Variants in TOPAZ1 observed in about 807,000 individuals in gnomAD.
TOPAZ1 encodes the protein protein TOPAZ1.
Under a neutral mutation model 172.2 loss-of-function variants are expected in TOPAZ1, and 66 were observed. The observed-to-expected ratio is 0.38, with a 90% CI of 0.31 to 0.47. The LOEUF (loss-of-function observed/expected upper bound fraction) is 0.47, where lower values mean the gene tolerates loss of function less well. TOPAZ1 is among the 20% of genes least tolerant of loss of function. The pLI is 0.99. For missense variants in TOPAZ1, 1,822 were observed against 1,972.4 expected, an observed-to-expected ratio of 0.92 and a Z score of 1.44; for synonymous variants, 681 against 683.9, an observed-to-expected ratio of 1.00 and a Z score of 0.07.
intron 4 of TOPAZ1, among the ~76,000 whole-genome samples, chr3:44,257,669 A>C (rs912659458): frequency 3.3e-5 from 5 of 151,932 alleles, no homozygotes; most frequent in Admixed American, 2.6e-4. Flanking sequence ...AGAGATTCAC[A>C]GGAAGTTACA....
intron 18 of TOPAZ1, among the ~76,000 whole-genome samples, 174 bp from the exon 19 acceptor site, chr3:44,328,076 C>G (rs1015474277): frequency 1.8e-4 from 27 of 152,098 alleles, no homozygotes; most frequent in African/African-American, 6.3e-4. Context: ...TTCAAAAGCA[C>G]TTTACAAAGA....
intron 11 of TOPAZ1, 35 bp downstream of exon 11, chr3:44,287,874 C>T (rs868542434): frequency 1.3e-5 from 14 of 1,041,498 alleles, no homozygotes; most frequent in Middle Eastern, 2.0e-4. Flanking sequence ...TCTCTGATGG[C>T]GAGTAACCAA....
chr3:44,302,263 A>G (rs1700280613), intron 12 of TOPAZ1, among the ~76,000 whole-genome samples: 1 of 151,844 alleles, frequency 6.6e-6, no homozygotes, highest in South Asian at 2.1e-4. Context: ...ACAAAAAACT[A>G]GCCGGGTGTG....
rs1559522605 is a variant in TOPAZ1, at chr3:44,244,470, C to T, written c.1964C>T (p.Ala655Val). ...GATGGTCAGGAAGCAAATAACTCTG[C>T]AGGCAAAACTATTCATCGAAAAGCA... ...SKDGQEANNS[A>V]GKTIHRKACI... Residue 655 changes from alanine to valine, a missense_variant, in exon 2 of 20, where the codon GCA becomes GTA. Ala to Val is a moderately conservative substitution (Grantham distance 64, BLOSUM62 0). Transcript: ENST00000309765. The T allele has an allele frequency of 1.9e-6, 3 of 1,551,692 alleles. No individual in the cohort carries two copies. The highest frequency in any genetic ancestry group is 1.4e-5 in the African/African-American group (1 of 73,168).
At chr3:44,306,508 A>AAACTCCT in intron 15 of TOPAZ1, 82 bp downstream of exon 15, 3 of 743,844 alleles carry the variant, frequency 4.0e-6, no homozygotes, top group Non-Finnish European at 6.5e-6. Context: ...TTAACCCTGC[A>AAACTCCT]AATTAGGAGT....
At chr3:44,255,662 A>AAAAAT (rs1244611647) in intron 3 of TOPAZ1, among the ~76,000 whole-genome samples, 11 of 80,006 alleles carry the variant, frequency 1.4e-4, no homozygotes, top group African/African-American at 6.3e-4. Flanking sequence ...AAAAAAAAAA[A>AAAAAT]ATATATATAC....
intron 6 of TOPAZ1, among the ~76,000 whole-genome samples, chr3:44,267,936 A>C (rs559351112): frequency 1.1e-4 from 16 of 152,328 alleles, no homozygotes; most frequent in African/African-American, 3.8e-4. Flanking sequence ...CAGTTTTCAT[A>C]ATGCAAATTA....
downstream of TOPAZ1, among the ~76,000 whole-genome samples, chr3:44,335,623 CAAA>C (rs985664408): frequency 6.6e-6 from 1 of 151,298 alleles, no homozygotes; most frequent in Non-Finnish European, 1.5e-5. Context: ...GACTCCATCT[CAAA>C]GAAAAAAAAA....
chr3:44,335,507 C>T (rs1700713669), downstream of TOPAZ1, among the ~76,000 whole-genome samples: 1 of 151,946 alleles, frequency 6.6e-6, no homozygotes, highest in Non-Finnish European at 1.5e-5. Flanking sequence ...ACCTATAATC[C>T]CAGATACTTG....
chr3:44,254,035 G>T (rs1699665872), intron 2 of TOPAZ1, among the ~76,000 whole-genome samples: 1 of 152,212 alleles, frequency 6.6e-6, no homozygotes, highest in Non-Finnish European at 1.5e-5. Flanking sequence ...GTTTTCATCT[G>T]TTGGGCCTAT....
chr3:44,286,141 G>T (rs546880932), intron 9 of TOPAZ1, among the ~76,000 whole-genome samples: 1 of 152,186 alleles, frequency 6.6e-6, no homozygotes, highest in South Asian at 2.1e-4. Flanking sequence ...TTTGAACCTG[G>T]AAGGCAGAGG....
At chr3:44,326,886 C>T (rs1389708875) in intron 18 of TOPAZ1, among the ~76,000 whole-genome samples, 4 of 151,964 alleles carry the variant, frequency 2.6e-5, no homozygotes, top group Non-Finnish European at 5.9e-5. Context: ...TAGTAGATTT[C>T]TAGTTAATTT....
Position 44,244,319 on chromosome 3 carries a change from G to C in TOPAZ1, c.1813G>C (p.Gly605Arg). The change falls in exon 2 of 20, where the codon GGG (glycine) becomes CGG (arginine). Residue 605 changes from glycine (G) to arginine (R), a missense_variant. By Grantham distance (125) the Gly-to-Arg change is moderately radical. Coordinates refer to ENST00000309765, the MANE Select transcript of TOPAZ1 (RefSeq NM_001145030.2). ...AAAATCAGAGGAACTGAGCAGAAGA[G>C]GGTCAGAGGTAATTTCTAACACTAC... ...KIKSEELSRR[G>R]SEVISNTTED... is the part of the protein sequence containing the mutation. The C allele has an allele frequency of 6.4e-7, 1 of 1,550,820 alleles. No individual in the cohort carries two copies.
chr3:44,251,781 C>G (rs777358557), intron 2 of TOPAZ1, among the ~76,000 whole-genome samples: 2 of 152,154 alleles, frequency 1.3e-5, no homozygotes, highest in Non-Finnish European at 1.5e-5. Flanking sequence ...CTCCTTTTTA[C>G]TTAGATCTTC....
chr3:44,315,854 T>C (rs34710336), intron 16 of TOPAZ1, among the ~76,000 whole-genome samples: 67,363 of 152,036 alleles, frequency 0.44, 16,628 homozygotes, highest in East Asian at 0.81. Flanking sequence ...TTATTTGCAG[T>C]CATGGGATTT....
chr3:44,312,213 C>T (rs1018596501), intron 16 of TOPAZ1, among the ~76,000 whole-genome samples: 1 of 133,922 alleles, frequency 7.5e-6, no homozygotes, highest in African/African-American at 2.8e-5. Context: ...GAATGATCTT[C>T]AAGACCTATT....
intron 2 of TOPAZ1, among the ~76,000 whole-genome samples, chr3:44,248,810 G>T (rs1400305883): frequency 2.0e-5 from 3 of 152,198 alleles, no homozygotes; most frequent in Non-Finnish European, 4.4e-5. Context: ...ACTCTGGACT[G>T]CCCCTTTTGG....
intron 3 of TOPAZ1, 40 bp from the exon 4 acceptor site, chr3:44,256,111 G>T: frequency 2.1e-6 from 3 of 1,426,260 alleles, no homozygotes; most frequent in Non-Finnish European, 2.8e-6. Flanking sequence ...CAGTTATTTT[G>T]TCTTTAAAGT....
intron 12 of TOPAZ1, among the ~76,000 whole-genome samples, chr3:44,297,326 A>G (rs775714849): frequency 2.6e-5 from 4 of 152,224 alleles, no homozygotes; most frequent in Non-Finnish European, 5.9e-5. Context: ...TTCAAGAATG[A>G]AAAGATGGTT....
Sources: allele counts gnomAD v4.1 joint callset (sites outside exome capture counted in the v4.1 genomes callset), GRCh38; gene constraint gnomAD v4.1.1; transcripts MANE v1.5; gene names NCBI Gene and HGNC (gene_info 2026-07-23, HGNC 2026-07-21).